The following ASCC3 variants were observed in gnomAD, a reference collection of about 807,000 sequenced individuals.
ASCC3 encodes activating signal cointegrator 1 complex subunit 3, also known as ASC-1 complex subunit P200.
In ASCC3, 158 loss-of-function variants were observed where a neutral mutation model predicts 256.3. The ratio of observed to expected loss-of-function variants is 0.62; its 90% CI spans 0.54 to 0.70. The LOEUF (loss-of-function observed/expected upper bound fraction) is 0.70. ASCC3 is among the 30% of genes least tolerant of loss of function. ASCC3 has a pLI of 0.00. For missense variants in ASCC3, 2,259 were observed against 2,626.0 expected (o/e 0.86, Z 3.05); for synonymous variants, 948 against 883.4 (o/e 1.07, Z -1.30).
chr6:100,582,751 G>A (rs2114752536), intron 36 of ASCC3, among the ~76,000 whole-genome samples: 1 of 152,132 alleles, frequency 6.6e-6, no homozygotes, highest in African/African-American at 2.4e-5. Flanking sequence ...ATTATTTTGA[G>A]ATATGCCCCA....
chr6:100,635,436 GA>G (rs1774795781), intron 25 of ASCC3, among the ~76,000 whole-genome samples: 1 of 152,116 alleles, frequency 6.6e-6, no homozygotes, highest in Non-Finnish European at 1.5e-5. Flanking sequence ...CAGCGGTGAG[GA>G]TGGGGGAATG....
rs536099418 is a variant in ASCC3 at position 100,662,205 on chromosome 6, GA to G, written c.2478+139del. 102 of 1,125,210 alleles carry G rather than the reference GA, an allele frequency of 9.1e-5. 1 individual carries two copies. The African/African-American group carries it at 1.5e-3, about 17-fold the overall frequency. 69.7% of individuals were successfully genotyped at this position (1,125,210 alleles called of 1,614,324 possible). A position where few individuals can be genotyped will look rare whatever the true frequency, so the allele number is the denominator to read the frequency against. ...CAATATAAACTAGATTCTTATTGGA[GA>G]AAATAATTCTGACCTTTTATAAATA... On this transcript the variant is annotated intron_variant, in intron 15 of 41. Coordinates refer to ENST00000369162, the MANE Select transcript of ASCC3 (RefSeq NM_006828.4).
chr6:100,740,394 G>C (rs1226950806), intron 10 of ASCC3, among the ~76,000 whole-genome samples: 1 of 152,102 alleles, frequency 6.6e-6, no homozygotes, highest in Non-Finnish European at 1.5e-5. Context: ...AGCAATGAGA[G>C]AAATGTATAT....
chr6:100,800,522 G>A lies in ASCC3; in HGVS notation c.923-18C>T, dbSNP rs1769864156. The A allele has an allele frequency of 1.3e-6, 2 of 1,540,118 alleles. No individual in the cohort carries two copies. The highest frequency in any genetic ancestry group is 1.7e-5 in the Admixed American group (1 of 57,970). Reference sequence around the variant, plus strand: ...ACAATTGTCTAAGAAGCAAATTTAAGAAACACAATGTTTTATAAATCTGAA... The same window carrying A: ...ACAATTGTCTAAGAAGCAAATTTAAAAAACACAATGTTTTATAAATCTGAA... On this transcript the variant is annotated intron_variant, in intron 5 of 41. Coordinates refer to ENST00000369162, the MANE Select transcript of ASCC3 (RefSeq NM_006828.4).
chr6:100,780,123 A>G (rs1458799133), intron 8 of ASCC3, among the ~76,000 whole-genome samples: 2 of 152,220 alleles, frequency 1.3e-5, no homozygotes, highest in Non-Finnish European at 2.9e-5. Flanking sequence ...AATTAATTCT[A>G]TAATGAATTT....
chr6:100,807,918 A>G (rs1770269561), intron 4 of ASCC3, among the ~76,000 whole-genome samples: 1 of 151,950 alleles, frequency 6.6e-6, no homozygotes, highest in Non-Finnish European at 1.5e-5. Context: ...TCTATGTAAC[A>G]TCATTTTGAT....
chr6:100,811,733 C>T (rs1452242624), intron 4 of ASCC3, among the ~76,000 whole-genome samples: 1 of 152,008 alleles, frequency 6.6e-6, no homozygotes, highest in Non-Finnish European at 1.5e-5. Context: ...TGAAAAACAT[C>T]TAAGATTGTG....
chr6:100,792,329 G>A (rs976471419), intron 8 of ASCC3, among the ~76,000 whole-genome samples: 3 of 151,766 alleles, frequency 2.0e-5, no homozygotes, highest in Non-Finnish European at 4.4e-5. Flanking sequence ...GACAAGAGGT[G>A]GTAAAATTAT....
intron 36 of ASCC3, among the ~76,000 whole-genome samples, chr6:100,574,213 T>G (rs1770744304): frequency 6.6e-6 from 1 of 152,160 alleles, no homozygotes; most frequent in Admixed American, 6.6e-5. Flanking sequence ...TAGCAAACTT[T>G]AATAAATGAC....
At chr6:100,759,490 T>C (rs746486652) in intron 10 of ASCC3, among the ~76,000 whole-genome samples, 1 of 152,194 alleles carries the variant, frequency 6.6e-6, no homozygotes, top group African/African-American at 2.4e-5. Context: ...ATTTATTGAA[T>C]AGGAGATCCT....
intron 34 of ASCC3, 129 bp downstream of exon 34, chr6:100,601,681 C>A (rs1243084918): frequency 1.5e-5 from 16 of 1,047,542 alleles, no homozygotes; most frequent in Middle Eastern, 3.2e-4. Flanking sequence ...ATTCTTTAGA[C>A]AAATTCATAT....
At chr6:100,811,437 T>C (rs1049057780) in intron 4 of ASCC3, among the ~76,000 whole-genome samples, 1 of 152,166 alleles carries the variant, frequency 6.6e-6, no homozygotes, top group African/African-American at 2.4e-5. Context: ...TTATTCTTTA[T>C]TCTAGTTACA....
intron 4 of ASCC3, among the ~76,000 whole-genome samples, chr6:100,811,204 G>A (rs1770451624): frequency 6.6e-6 from 1 of 152,048 alleles, no homozygotes; most frequent in Non-Finnish European, 1.5e-5. Flanking sequence ...GCACAGTCCT[G>A]CTCTTACAAG....
intron 20 of ASCC3, 50 bp downstream of exon 20, chr6:100,650,488 C>T (rs751817464): frequency 1.3e-6 from 2 of 1,583,764 alleles, no homozygotes; most frequent in East Asian, 2.2e-5. Flanking sequence ...CACCTTGGTC[C>T]TCTAAATATA....
intron 13 of ASCC3, among the ~76,000 whole-genome samples, chr6:100,701,328 G>A (rs997554323): frequency 6.6e-6 from 1 of 152,106 alleles, no homozygotes. Flanking sequence ...AGATCTGATG[G>A]TTTTAAAAAC....
In ASCC3 at chr6:100,516,165, A is replaced by G; in HGVS notation, c.6075+15T>C. On this transcript the variant is annotated intron_variant, in intron 39 of 41. Transcript: ENST00000369162. ...GAGTAGGGGAGCCTTCAAAACACTT[A>G]AGAGATGGTCTTACCTGTTTCGTTT... 6.2e-7 allele frequency: 1 copy of G among 1,613,452 alleles called. No individual in the cohort carries two copies. Among genetic ancestry groups the G allele is most frequent in the Non-Finnish European group, 8.5e-7 (1 of 1,179,494 alleles).
At chr6:100,714,861 C>T (rs889907827) in intron 13 of ASCC3, among the ~76,000 whole-genome samples, 1 of 151,940 alleles carries the variant, frequency 6.6e-6, no homozygotes, top group African/African-American at 2.4e-5. Context: ...ATTTTATATA[C>T]TGGAGTTGCA....
At chr6:100,876,205 G>A (rs967649214) in intron 1 of ASCC3, among the ~76,000 whole-genome samples, 1 of 152,180 alleles carries the variant, frequency 6.6e-6, no homozygotes, top group African/African-American at 2.4e-5. Context: ...GTTAAGCAGA[G>A]GGTGAATGAG....
At chr6:100,699,000 A>G (rs957582487) in intron 13 of ASCC3, among the ~76,000 whole-genome samples, 37 of 152,214 alleles carry the variant, frequency 2.4e-4, no homozygotes, top group African/African-American at 8.9e-4. Flanking sequence ...CATGTGCTAC[A>G]TAACCACATT....
Sources: allele counts gnomAD v4.1 joint callset (sites outside exome capture counted in the v4.1 genomes callset), GRCh38; gene constraint gnomAD v4.1.1; transcripts MANE v1.5; gene names NCBI Gene and HGNC (gene_info 2026-07-23, HGNC 2026-07-21).